Variants in DCC observed in about 807,000 individuals in gnomAD.
The protein encoded by DCC is DCC netrin 1 receptor.
DCC carries 58 observed loss-of-function variants against 172.5 expected under a neutral mutation model. The observed-to-expected ratio is 0.34, with a 90% CI of 0.27 to 0.42. The LOEUF (loss-of-function observed/expected upper bound fraction) is 0.42, where lower values mean the gene tolerates loss of function less well. Among genes scored for constraint, DCC ranks in the 10% least tolerant of loss-of-function variants. The probability of loss-of-function intolerance (pLI) is 1.00; values close to 1 mark genes in which losing one functional copy is unlikely to be tolerated. For synonymous variants in DCC, 709 were observed against 644.5 expected (o/e 1.10, Z -1.52); for missense variants, 1,740 against 1,791.0 (o/e 0.97, Z 0.51).
intron 1 of DCC, among the ~76,000 whole-genome samples, chr18:52,489,352 A>C (rs1406358318): frequency 6.6e-6 from 1 of 152,124 alleles, no homozygotes; most frequent in Non-Finnish European, 1.5e-5. Context: ...GTTTTCTACA[A>C]TTATTATTAC....
intron 5 of DCC, among the ~76,000 whole-genome samples, chr18:53,053,254 A>G (rs938720662): frequency 3.3e-5 from 5 of 152,162 alleles, no homozygotes; most frequent in African/African-American, 7.2e-5. Flanking sequence ...GTTAGTGAGA[A>G]TTCTTAGACT....
At position 53,190,458 on chromosome 18, in the gene DCC, CTGTGTGTGTGTGTGTGTG is replaced by C. The variant is rs67103778; in HGVS notation, c.1573+11370_1573+11387del. Among the ~76,000 whole-genome samples the C allele has an allele frequency of 2.8e-3, 412 of 146,370 alleles. 1 individual carries two copies. The highest frequency in any genetic ancestry group is 0.011 in the South Asian group (50 of 4,594). On this transcript the variant is annotated intron_variant, in intron 9 of 28. Transcript: ENST00000442544. ...TAATATTCCTACTACACTGCTAACT[CTGTGTGTGTGTGTGTGTG>C]TGTGTGTGTGTGTGTGTGTGTGTGT...
At chr18:52,391,404 T>G (rs1986025775) in intron 1 of DCC, among the ~76,000 whole-genome samples, 1 of 152,148 alleles carries the variant, frequency 6.6e-6, no homozygotes, top group Non-Finnish European at 1.5e-5. Context: ...CTCTAATTTC[T>G]GGTTTTGCAT....
chr18:52,693,495 T>C (rs954972507), intron 1 of DCC, among the ~76,000 whole-genome samples: 1 of 149,148 alleles, frequency 6.7e-6, no homozygotes, highest in African/African-American at 2.4e-5. Context: ...TAATATAACA[T>C]AATACAATAC....
chr18:53,121,762 T>A (rs1006942295), intron 7 of DCC, among the ~76,000 whole-genome samples: 8 of 151,740 alleles, frequency 5.3e-5, no homozygotes, highest in African/African-American at 1.9e-4. Flanking sequence ...AATAAATCTG[T>A]TTGGGGTACA....
chr18:53,155,976 C>G (rs1042617409), intron 7 of DCC, among the ~76,000 whole-genome samples: 24 of 152,144 alleles, frequency 1.6e-4, no homozygotes, highest in African/African-American at 5.3e-4. Flanking sequence ...TAGACAGATA[C>G]TGACAGGAAT....
chr18:52,828,484 T>A (rs2038553130), intron 2 of DCC, among the ~76,000 whole-genome samples: 1 of 152,030 alleles, frequency 6.6e-6, no homozygotes, highest in Non-Finnish European at 1.5e-5. Context: ...GATCATGTGA[T>A]CTAGTTGCTA....
chr18:53,522,279 T>C (rs2046407227), intron 27 of DCC, among the ~76,000 whole-genome samples: 1 of 148,250 alleles, frequency 6.7e-6, no homozygotes, highest in African/African-American at 2.5e-5. Flanking sequence ...GTCAGAAGTT[T>C]GGAAAAAAAA....
intron 13 of DCC, among the ~76,000 whole-genome samples, chr18:53,317,011 C>T (rs184613675): frequency 6.6e-6 from 1 of 152,220 alleles, no homozygotes; most frequent in Non-Finnish European, 1.5e-5. Context: ...GAGAGGGCAT[C>T]CTTGTCTTGT....
chr18:53,337,904 T>C (rs1035505027), intron 14 of DCC, among the ~76,000 whole-genome samples: 4 of 152,208 alleles, frequency 2.6e-5, no homozygotes, highest in African/African-American at 9.6e-5. Flanking sequence ...TAATTTGGCA[T>C]ATGTTACCTT....
At position 52,381,236 on chromosome 18, in the gene DCC, T is replaced by C. The variant is rs16954801; in HGVS notation, c.91+40358T>C. 3.6e-3 allele frequency among the ~76,000 whole-genome samples: 551 copies of C among 152,234 alleles called. 7 individuals carry two copies. Among genetic ancestry groups the C allele is most frequent in the African/African-American group, 0.013 (522 of 41,548 alleles). On this transcript the variant is annotated intron_variant, in intron 1 of 28. Coordinates refer to ENST00000442544, the MANE Select transcript of DCC (RefSeq NM_005215.4). ...TTTTGAAGACTGCACTTTGATCCTA[T>C]AGTAGATGAAAATTTCTGTTTCAGA...
At chr18:53,105,540 A>C (rs2043232589) in intron 7 of DCC, among the ~76,000 whole-genome samples, 1 of 152,026 alleles carries the variant, frequency 6.6e-6, no homozygotes. Flanking sequence ...TTCAGACTAC[A>C]CAAGTAGGAT....
chr18:52,680,022 G>T (rs983713486), intron 1 of DCC, among the ~76,000 whole-genome samples: 1 of 152,100 alleles, frequency 6.6e-6, no homozygotes. Flanking sequence ...CAAATTTCTT[G>T]ACTTTTAATT....
chr18:52,811,113 T>A (rs949262645), intron 2 of DCC, among the ~76,000 whole-genome samples: 1 of 152,184 alleles, frequency 6.6e-6, no homozygotes, highest in African/African-American at 2.4e-5. Context: ...AAAAAAGATA[T>A]GTTTGCTTAA....
intron 12 of DCC, among the ~76,000 whole-genome samples, chr18:53,222,305 A>C (rs1224985033): frequency 6.6e-6 from 1 of 151,060 alleles, no homozygotes; most frequent in Non-Finnish European, 1.5e-5. Flanking sequence ...TTACACTATC[A>C]CTCATTTTCT....
intron 1 of DCC, among the ~76,000 whole-genome samples, chr18:52,387,284 A>G (rs1403605348): frequency 2.6e-5 from 4 of 152,120 alleles, no homozygotes; most frequent in African/African-American, 4.8e-5. Flanking sequence ...GTGAACACCG[A>G]TGACATCATG....
At chr18:52,793,009 A>G (rs529693285) in intron 2 of DCC, among the ~76,000 whole-genome samples, 16 of 151,716 alleles carry the variant, frequency 1.1e-4, no homozygotes, top group African/African-American at 3.9e-4. Flanking sequence ...GTTTAATAGA[A>G]GAAAGGAGAG....
At chr18:52,758,501 A>G (rs914986618) in intron 2 of DCC, among the ~76,000 whole-genome samples, 2 of 152,140 alleles carry the variant, frequency 1.3e-5, no homozygotes, top group Admixed American at 1.3e-4. Context: ...CTGTGTTTTT[A>G]AAAAATAATT....
chr18:52,574,337 T>C (rs78748803), intron 1 of DCC, among the ~76,000 whole-genome samples: 3,031 of 152,248 alleles, frequency 0.02, 107 homozygotes, highest in East Asian at 0.095. Flanking sequence ...GTGCATACTT[T>C]GGCATTGAGG....
Sources: gnomAD v4.1 joint callset for allele counts (sites outside exome capture counted in the v4.1 genomes callset) on GRCh38, gnomAD v4.1.1 for gene constraint, MANE v1.5 for transcripts, NCBI Gene and HGNC (gene_info 2026-07-23, HGNC 2026-07-21) for gene names.